The following SCD5 variants were observed in gnomAD, a reference collection of about 807,000 sequenced individuals.
SCD5 encodes the protein acyl-CoA-desaturase 4.
A neutral mutation model predicts 30.4 loss-of-function variants in SCD5; 20 were observed. That is an observed-to-expected ratio of 0.66 (90% CI 0.46 to 0.96). The LOEUF is 0.96. SCD5 is among the 40% of genes least tolerant of loss of function. SCD5 has a pLI of 0.00. For synonymous variants in SCD5, 173 were observed against 176.4 expected, an observed-to-expected ratio of 0.98 and a Z score of 0.16; for missense variants, 381 against 443.3, an observed-to-expected ratio of 0.86 and a Z score of 1.26.
chr4:82,680,802 C>T lies in SCD5; in HGVS notation c.474G>A (p.Trp158Ter), dbSNP rs770215746. The T allele has an allele frequency of 4.3e-6, 7 of 1,613,678 alleles. No individual in the cohort carries two copies. Among genetic ancestry groups the T allele is most frequent in the Non-Finnish European group, 5.9e-6 (7 of 1,179,998 alleles). Residue 158 changes from tryptophan to a stop codon, truncating the protein, a stop_gained, in exon 3 of 5, where the codon TGG becomes TGA. Transcript: ENST00000319540. LOFTEE classifies it high-confidence loss of function. The part of the protein sequence containing the change: ...RRGFFFSHIG[W>*]LFVRKHRDVI... Reference sequence around the variant, plus strand: ...CATCTCGATGCTTGCGAACAAACAGCCACCCAATATGGGAGAAGAAGAAGC... The same window carrying T: ...CATCTCGATGCTTGCGAACAAACAGTCACCCAATATGGGAGAAGAAGAAGC...
At chr4:82,673,954 C>T (rs1220911152) in intron 3 of SCD5, among the ~76,000 whole-genome samples, 1 of 151,886 alleles carries the variant, frequency 6.6e-6, no homozygotes, top group Non-Finnish European at 1.5e-5. Flanking sequence ...CATTTGCATG[C>T]GAAAAAATGA....
intron 1 of SCD5, among the ~76,000 whole-genome samples, chr4:82,713,929 C>T (rs1011150505): frequency 1.7e-4 from 26 of 152,178 alleles, no homozygotes; most frequent in African/African-American, 5.6e-4. Context: ...TCCCCAGGCT[C>T]CGCCACCTCT....
At chr4:82,775,579 G>A (rs1320416718) in intron 1 of SCD5, 1 of 152,308 alleles carries the variant, frequency 6.6e-6, no homozygotes, top group Non-Finnish European at 1.5e-5. Context: ...AGAAGTTTGT[G>A]GCCAGGTGTG....
intron 1 of SCD5, among the ~76,000 whole-genome samples, chr4:82,788,058 A>C (rs539035184): frequency 1.6e-4 from 25 of 152,140 alleles, no homozygotes; most frequent in African/African-American, 5.8e-4. Context: ...ATCAATCAAT[A>C]CTTTTTAAAA....
chr4:82,655,590 TGCCAA>T (rs1321062621), intron 3 of SCD5, among the ~76,000 whole-genome samples: 1 of 152,132 alleles, frequency 6.6e-6, no homozygotes, highest in Non-Finnish European at 1.5e-5. Flanking sequence ...CATGAGAGAA[TGCCAA>T]GTGTTGCAGG....
chr4:82,675,215 G>A (rs1315346784), intron 3 of SCD5, among the ~76,000 whole-genome samples: 1 of 152,170 alleles, frequency 6.6e-6, no homozygotes, highest in Non-Finnish European at 1.5e-5. Flanking sequence ...GGCTATGCAT[G>A]TGTGTGGGCA....
intron 3 of SCD5, among the ~76,000 whole-genome samples, chr4:82,645,807 C>CA (rs1727624459): frequency 6.6e-6 from 1 of 152,286 alleles, no homozygotes; most frequent in Admixed American, 6.5e-5. Flanking sequence ...AGTCTTGAAA[C>CA]AAAAAATGTA....
At chr4:82,640,678 G>A (rs1463422440) in intron 3 of SCD5, among the ~76,000 whole-genome samples, 3 of 152,114 alleles carry the variant, frequency 2.0e-5, no homozygotes, top group Non-Finnish European at 2.9e-5. Flanking sequence ...TTTTAGCCTC[G>A]AGCAGCTGGT....
chr4:82,796,750 G>T (rs541350511), intron 1 of SCD5, among the ~76,000 whole-genome samples: 97 of 152,226 alleles, frequency 6.4e-4, no homozygotes, highest in Admixed American at 1.3e-4. Flanking sequence ...AAGCAGGGGG[G>T]AGAGAGGAGC....
chr4:82,737,357 C>T (rs552923217), intron 1 of SCD5, among the ~76,000 whole-genome samples: 1 of 152,042 alleles, frequency 6.6e-6, no homozygotes, highest in Non-Finnish European at 1.5e-5. Flanking sequence ...TAGTATTGCA[C>T]TTGTGGATTT....
intron 2 of SCD5, among the ~76,000 whole-genome samples, chr4:82,689,397 T>TA (rs914720563): frequency 4.0e-5 from 6 of 150,802 alleles, no homozygotes; most frequent in African/African-American, 7.3e-5. Context: ...TTCTAAATAC[T>TA]AAAAAAAAAG....
At chr4:82,727,232 G>A in intron 1 of SCD5, among the ~76,000 whole-genome samples, 1 of 152,168 alleles carries the variant, frequency 6.6e-6, no homozygotes, top group African/African-American at 2.4e-5. Flanking sequence ...AGTGGACAAG[G>A]CCTTGGTCCT....
At chr4:82,757,459 T>G (rs866653308) in intron 1 of SCD5, among the ~76,000 whole-genome samples, 1 of 152,190 alleles carries the variant, frequency 6.6e-6, no homozygotes, top group African/African-American at 2.4e-5. Context: ...TTCAACTGAA[T>G]TGAATTGCCC....
chr4:82,676,044 G>T (rs1224881665), intron 3 of SCD5, among the ~76,000 whole-genome samples: 2 of 152,176 alleles, frequency 1.3e-5, no homozygotes, highest in East Asian at 3.8e-4. Context: ...TGGATAGGTT[G>T]TATCTTCTAG....
rs1427080033 is a variant in SCD5, at chr4:82,665,847, T to G, written c.569+14860A>C. 2.6e-5 allele frequency among the ~76,000 whole-genome samples: 4 copies of G among 152,150 alleles called. No homozygotes were observed. In the East Asian group the frequency reaches 7.7e-4, roughly 29 times the overall value. On this transcript the variant is annotated intron_variant, in intron 3 of 4. Transcript: ENST00000319540. ...ATAGGATATAGGATATGCATACTTT[T>G]TTAAAAAGCTAGCTTGATACATAAA... is the stretch of plus-strand genomic sequence containing the variant.
chr4:82,658,729 G>C (rs1028347643), intron 3 of SCD5, among the ~76,000 whole-genome samples: 1 of 148,020 alleles, frequency 6.8e-6, no homozygotes, highest in Non-Finnish European at 1.5e-5. Context: ...TGCTGGATTT[G>C]GTTTGCCAGT....
intron 1 of SCD5, among the ~76,000 whole-genome samples, chr4:82,728,001 GC>G (rs1026778828): frequency 4.6e-5 from 7 of 152,122 alleles, no homozygotes; most frequent in Non-Finnish European, 8.8e-5. Context: ...GAGCCACCAT[GC>G]CCCACCTCTA....
chr4:82,769,820 G>T (rs1156568213), intron 1 of SCD5, among the ~76,000 whole-genome samples: 1 of 152,072 alleles, frequency 6.6e-6, no homozygotes, highest in East Asian at 1.9e-4. Flanking sequence ...GGGGTCAACT[G>T]TAAATAGATG....
intron 1 of SCD5, among the ~76,000 whole-genome samples, chr4:82,792,535 C>A (rs964962509): frequency 2.0e-5 from 3 of 152,076 alleles, no homozygotes; most frequent in African/African-American, 7.2e-5. Flanking sequence ...CATAGTGAGA[C>A]CCCCATCTCT....
Sources: allele counts gnomAD v4.1 joint callset (sites outside exome capture counted in the v4.1 genomes callset), GRCh38; gene constraint gnomAD v4.1.1; transcripts MANE v1.5; gene names NCBI Gene and HGNC (gene_info 2026-07-23, HGNC 2026-07-21).